The following GRID1 variants were observed in gnomAD, a reference collection of about 807,000 sequenced individuals.
GRID1 encodes glutamate receptor ionotropic, delta-1.
GRID1 carries 28 observed loss-of-function variants against 98.0 expected under a neutral mutation model. That is an observed-to-expected ratio of 0.29 (90% CI 0.21 to 0.39). The LOEUF (loss-of-function observed/expected upper bound fraction) is 0.39. GRID1 is among the 10% of genes least tolerant of loss of function. The pLI, the probability that GRID1 is intolerant of heterozygous loss-of-function variation, is 1.00. For synonymous variants in GRID1, 553 were observed against 538.5 expected, an observed-to-expected ratio of 1.03 and a Z score of -0.37; for missense variants, 1,111 against 1,340.5, an observed-to-expected ratio of 0.83 and a Z score of 2.67.
At position 85,768,532 on chromosome 10, in the gene GRID1, A is replaced by G. The variant is rs184876858; in HGVS notation, c.1234-38918T>C. Reference sequence around the variant, plus strand: ...TTGATGTATAAAACTCCTATAAATAAACAAGAAAGGCACAGATCAACAATT... The same window carrying G: ...TTGATGTATAAAACTCCTATAAATAGACAAGAAAGGCACAGATCAACAATT... On this transcript the variant is annotated intron_variant, in intron 8 of 15. Transcript: ENST00000327946. Among the ~76,000 whole-genome samples the G allele has an allele frequency of 1.5e-3, 232 of 152,372 alleles. 2 individuals carry two copies. The highest frequency in any genetic ancestry group is 5.3e-3 in the African/African-American group (222 of 41,586).
In GRID1 at chr10:85,774,166, C is replaced by T. The variant is rs576387172; in HGVS notation, c.1234-44552G>A. 9.1e-4 allele frequency among the ~76,000 whole-genome samples: 139 copies of T among 152,170 alleles called. 1 individual carries two copies. Among genetic ancestry groups the T allele is most frequent in the African/African-American group, 2.9e-3 (121 of 41,514 alleles). On this transcript the variant is annotated intron_variant, in intron 8 of 15. Coordinates refer to ENST00000327946, the MANE Select transcript of GRID1 (RefSeq NM_017551.3). ...AACAGAACAGAGCCCTCAGAAATAA[C>T]GCCGCATATCTACAACTATCTGATC...
chr10:85,641,442 G>C (rs938565381), intron 13 of GRID1, among the ~76,000 whole-genome samples: 1 of 152,170 alleles, frequency 6.6e-6, no homozygotes. Context: ...TTGCCACTTT[G>C]GTGTCAGAGA....
intron 4 of GRID1, among the ~76,000 whole-genome samples, chr10:86,113,651 C>A (rs1844524744): frequency 6.6e-6 from 1 of 152,140 alleles, no homozygotes; most frequent in African/African-American, 2.4e-5. Flanking sequence ...TTACCCCCTG[C>A]CAGACCCCCA....
At chr10:85,864,026 G>T (rs1404450050) in intron 6 of GRID1, among the ~76,000 whole-genome samples, 2 of 152,190 alleles carry the variant, frequency 1.3e-5, no homozygotes, top group Non-Finnish European at 2.9e-5. Context: ...TTTCCTCCAG[G>T]CTTCTGAAGA....
chr10:86,137,856 T>C (rs889476198), intron 4 of GRID1, among the ~76,000 whole-genome samples: 2 of 152,172 alleles, frequency 1.3e-5, no homozygotes, highest in Admixed American at 1.3e-4. Context: ...TCCTGATGCA[T>C]GAGGTAGCAT....
chr10:85,814,783 G>T (rs1222919543), intron 8 of GRID1, among the ~76,000 whole-genome samples: 2 of 151,942 alleles, frequency 1.3e-5, no homozygotes, highest in African/African-American at 4.8e-5. Context: ...TATTAAATTT[G>T]TAGTTAAAAA....
chr10:86,083,548 C>T lies in GRID1; in HGVS notation c.726+55271G>A, dbSNP rs550107145. 3.3e-5 allele frequency among the ~76,000 whole-genome samples: 5 copies of T among 152,280 alleles called. No individual in the cohort carries two copies. In the East Asian group the frequency reaches 7.7e-4, roughly 23 times the overall value. Reference sequence around the variant, plus strand: ...TTTCAGAAGCGGACATTGCACGAAGCGATGGGGAACAACTACAACTTATAT... The same window carrying T: ...TTTCAGAAGCGGACATTGCACGAAGTGATGGGGAACAACTACAACTTATAT... On this transcript the variant is annotated intron_variant, in intron 4 of 15. Transcript: ENST00000327946.
chr10:85,732,398 AG>A (rs1333168908), intron 8 of GRID1, among the ~76,000 whole-genome samples: 4 of 152,190 alleles, frequency 2.6e-5, no homozygotes, highest in Non-Finnish European at 5.9e-5. Flanking sequence ...GGTACGGTGA[AG>A]GGGCATCTTA....
At chr10:85,905,177 T>C (rs1589293899) in intron 5 of GRID1, among the ~76,000 whole-genome samples, 2 of 151,912 alleles carry the variant, frequency 1.3e-5, no homozygotes, top group East Asian at 3.9e-4. Flanking sequence ...GTAAGGACAA[T>C]ATCAGATGCT....
At chr10:85,752,570 G>T (rs1842058195) in intron 8 of GRID1, among the ~76,000 whole-genome samples, 1 of 152,034 alleles carries the variant, frequency 6.6e-6, no homozygotes, top group Admixed American at 6.5e-5. Context: ...AATATTTCAA[G>T]ACCCAATATA....
chr10:85,713,578 A>G (rs1840997981), intron 12 of GRID1, among the ~76,000 whole-genome samples: 1 of 151,634 alleles, frequency 6.6e-6, no homozygotes, highest in Admixed American at 6.6e-5. Context: ...CCAGATGAGC[A>G]TAGATGTGCA....
intron 13 of GRID1, among the ~76,000 whole-genome samples, chr10:85,621,632 C>A (rs989600208): frequency 3.3e-5 from 5 of 152,126 alleles, no homozygotes; most frequent in African/African-American, 4.8e-5. Flanking sequence ...ACCTGTGCCA[C>A]TCATTGACTT....
At chr10:85,660,821 G>A (rs992346156) in intron 12 of GRID1, among the ~76,000 whole-genome samples, 2 of 152,090 alleles carry the variant, frequency 1.3e-5, no homozygotes, top group Non-Finnish European at 2.9e-5. Flanking sequence ...GCAGGGCAGG[G>A]AAGGAGTTCA....
chr10:85,723,706 G>A (rs146247690), intron 11 of GRID1, among the ~76,000 whole-genome samples: 13 of 152,304 alleles, frequency 8.5e-5, no homozygotes, highest in African/African-American at 3.1e-4. Context: ...TTAGTTAGAA[G>A]TTTAGCCTCT....
At chr10:85,958,288 C>T (rs1564635476) in intron 4 of GRID1, among the ~76,000 whole-genome samples, 1 of 152,234 alleles carries the variant, frequency 6.6e-6, no homozygotes, top group Non-Finnish European at 1.5e-5. Context: ...AAACTACCTG[C>T]CCCTCACCCA....
chr10:85,774,348 G>C (rs930721043), intron 8 of GRID1, among the ~76,000 whole-genome samples: 1 of 152,294 alleles, frequency 6.6e-6, no homozygotes, highest in East Asian at 1.9e-4. Context: ...AGACTTAAAT[G>C]TTAGACCTAA....
chr10:85,698,907 G>A (rs1427146925), intron 12 of GRID1, among the ~76,000 whole-genome samples: 1 of 152,148 alleles, frequency 6.6e-6, no homozygotes, highest in African/African-American at 2.4e-5. Context: ...GTGATGTTGA[G>A]CATCTTCTCA....
chr10:86,291,452 G>A (rs1374769265), intron 2 of GRID1, among the ~76,000 whole-genome samples: 3 of 152,154 alleles, frequency 2.0e-5, no homozygotes, highest in South Asian at 2.1e-4. Flanking sequence ...CCCCAACCCC[G>A]GGCAGTACCA....
At chr10:85,990,375 G>T (rs1400143714) in intron 4 of GRID1, among the ~76,000 whole-genome samples, 2 of 152,172 alleles carry the variant, frequency 1.3e-5, no homozygotes, top group Non-Finnish European at 2.9e-5. Context: ...CTTGTATGAG[G>T]CTCAGGGGGA....
Sources: allele counts gnomAD v4.1 joint callset (sites outside exome capture counted in the v4.1 genomes callset), GRCh38; gene constraint gnomAD v4.1.1; transcripts MANE v1.5; gene names NCBI Gene and HGNC (gene_info 2026-07-23, HGNC 2026-07-21).